The following ZDHHC13 variants were observed in gnomAD, a reference collection of about 807,000 sequenced individuals.
ZDHHC13 encodes palmitoyltransferase ZDHHC13.
Under a neutral mutation model 86.0 loss-of-function variants are expected in ZDHHC13, and 85 were observed. That is an observed-to-expected ratio of 0.99 (90% CI 0.83 to 1.18). The LOEUF is 1.18. ZDHHC13 is among the 50% of genes most tolerant of loss of function. ZDHHC13 has a pLI of 0.00. For synonymous variants in ZDHHC13, 263 were observed against 246.4 expected, an observed-to-expected ratio of 1.07 and a Z score of -0.63; for missense variants, 711 against 730.2, an observed-to-expected ratio of 0.97 and a Z score of 0.30.
At chr11:19,175,113 G>A (rs1284039249) in intron 16 of ZDHHC13, among the ~76,000 whole-genome samples, 1 of 152,072 alleles carries the variant, frequency 6.6e-6, no homozygotes, top group African/African-American at 2.4e-5. Flanking sequence ...GGGAGGCCGG[G>A]TGCGGTGGCT....
chr11:19,136,054 C>A (rs997481946), intron 1 of ZDHHC13, among the ~76,000 whole-genome samples: 1 of 152,198 alleles, frequency 6.6e-6, no homozygotes, highest in Non-Finnish European at 1.5e-5. Flanking sequence ...TCACCAGCAA[C>A]GGAACAAAGC....
intron 14 of ZDHHC13, chr11:19,169,392 A>G: frequency 1.0e-6 from 1 of 985,458 alleles, no homozygotes; most frequent in Non-Finnish European, 1.2e-6. Flanking sequence ...TATTCATGAA[A>G]GATGGTTGGG....
chr11:19,147,339 T>A lies in ZDHHC13; in HGVS notation c.297-257T>A, dbSNP rs953233640. 3.3e-5 allele frequency among the ~76,000 whole-genome samples: 5 copies of A among 152,180 alleles called. No homozygotes were observed. The East Asian group carries it at 9.6e-4, about 29-fold the overall frequency. ...GACTATGCAGAGAGTAGTTATGATG[T>A]ATTTGATATGTAAGTTATAATGGAA... On this transcript the variant is annotated intron_variant, in intron 3 of 16. Transcript: ENST00000446113.
chr11:19,117,267 G>C lies in ZDHHC13; in HGVS notation c.18G>C (p.Leu6=). 6.7e-7 allele frequency: 1 copy of C among 1,493,472 alleles called. No homozygotes were observed. The highest frequency in any genetic ancestry group is 8.9e-7 in the Non-Finnish European group (1 of 1,121,540). 92.5% of individuals were successfully genotyped at this position (1,493,472 alleles called of 1,614,324 possible). MEGPG[L]GSQCRNHSHG... is the part of the protein sequence containing the mutation. ...CTGGGGAGATGGAGGGGCCGGGGCT[G>C]GGCTCGCAGGTGAGTGCGGCCGGGC... is the stretch of plus-strand genomic sequence containing the variant. Residue 6 remains leucine, a synonymous_variant, in exon 1 of 17, where the codon CTG becomes CTC. Transcript: ENST00000446113. The surrounding 1 kb of genome is among the most constrained non-coding windows in gnomAD (Gnocchi z 4.2).
chr11:19,174,065 AG>A (rs1168649830), intron 16 of ZDHHC13, among the ~76,000 whole-genome samples: 1 of 152,208 alleles, frequency 6.6e-6, no homozygotes, highest in African/African-American at 2.4e-5. Context: ...ATATGTTCTA[AG>A]AACCCCAATG....
chr11:19,122,899 C>G (rs1286909962), intron 1 of ZDHHC13, among the ~76,000 whole-genome samples: 9 of 152,120 alleles, frequency 5.9e-5, no homozygotes, highest in Non-Finnish European at 1.3e-4. Context: ...CAAACACAAG[C>G]TTTGAATATA....
At position 19,150,731 on chromosome 11, in the gene ZDHHC13, T is replaced by C. The variant is rs1849584119; in HGVS notation, c.524T>C (p.Val175Ala). 1.2e-6 allele frequency: 2 copies of C among 1,606,568 alleles called. No individual in the cohort carries two copies. Among genetic ancestry groups the C allele is most frequent in the African/African-American group, 1.3e-5 (1 of 74,858 alleles). The change falls in exon 6 of 17, where the codon GTG becomes GCG. Residue 175 changes from valine (V) to alanine (A), a missense_variant. Transcript: ENST00000446113. The part of the protein sequence containing the change: ...IAYLISKGQS[V>A]NMTDVNGQTP... Reference sequence around the variant, plus strand: ...AATTGTCTTCTTTTTGAATAGAGTGTGAATATGACAGATGTAAATGGGCAG... The same window carrying C: ...AATTGTCTTCTTTTTGAATAGAGTGCGAATATGACAGATGTAAATGGGCAG...
At chr11:19,134,924 T>C (rs1330641975) in intron 1 of ZDHHC13, among the ~76,000 whole-genome samples, 3 of 152,086 alleles carry the variant, frequency 2.0e-5, no homozygotes, top group African/African-American at 7.2e-5. Context: ...CTCAGCTACT[T>C]AGGAGGCTGA....
chr11:19,163,777 C>T (rs1849977944), intron 11 of ZDHHC13, among the ~76,000 whole-genome samples: 1 of 152,088 alleles, frequency 6.6e-6, no homozygotes, highest in African/African-American at 2.4e-5. Flanking sequence ...CAGGGAGAGT[C>T]CTTCTGCTTA....
intron 1 of ZDHHC13, 143 bp from the exon 2 acceptor site, chr11:19,142,835 A>G (rs1239728516): frequency 1.0e-5 from 9 of 886,126 alleles, no homozygotes; most frequent in Non-Finnish European, 1.4e-5. Flanking sequence ...CCTGGGTTCA[A>G]GTCATTCTCA....
At chr11:19,163,522 G>A (rs1308356720) in intron 11 of ZDHHC13, 95 bp downstream of exon 11, 2 of 1,280,972 alleles carry the variant, frequency 1.6e-6, no homozygotes, top group African/African-American at 1.5e-5. Context: ...TTTTTGTTAC[G>A]GCTGCATGAC....
chr11:19,131,595 C>T (rs1849001630), intron 1 of ZDHHC13, among the ~76,000 whole-genome samples: 1 of 151,844 alleles, frequency 6.6e-6, no homozygotes, highest in Admixed American at 6.6e-5. Context: ...GTTTAATCTG[C>T]TGTTAATCTA....
At chr11:19,172,842 T>C (rs1850261547) in intron 16 of ZDHHC13, 22 bp downstream of exon 16, 1 of 1,567,802 alleles carries the variant, frequency 6.4e-7, no homozygotes, top group Admixed American at 1.9e-5. Context: ...CTGTTTTGGA[T>C]GCTGAGTCCT....
At chr11:19,119,153 C>T (rs1848707724) in intron 1 of ZDHHC13, among the ~76,000 whole-genome samples, 1 of 152,066 alleles carries the variant, frequency 6.6e-6, no homozygotes, top group African/African-American at 2.4e-5. Flanking sequence ...GCTCTGTTGC[C>T]AGGCTGGAGT....
chr11:19,155,900 A>G lies in ZDHHC13; in HGVS notation c.978A>G (p.Thr326=). 6.2e-7 allele frequency: 1 copy of G among 1,610,014 alleles called. No homozygotes were observed. The highest frequency in any genetic ancestry group is 8.5e-7 in the Non-Finnish European group (1 of 1,179,004). ...SWLLKGCLLV[T]LFFLTSLFPR... ...TTTTAAAAGGATGTCTTCTAGTAAC[A>G]CTGTTTTTTCTGACATCTTTGTTTC... is the stretch of plus-strand genomic sequence containing the variant. Residue 326 remains threonine, a synonymous_variant, in exon 9 of 17, where the codon ACA becomes ACG. Coordinates refer to ENST00000446113, the MANE Select transcript of ZDHHC13 (RefSeq NM_019028.3).
chr11:19,117,129 G>C (rs541305612), upstream of ZDHHC13: 3 of 1,089,878 alleles, frequency 2.8e-6, no homozygotes, highest in African/African-American at 4.7e-5. The surrounding 1 kb of genome is among the most constrained non-coding windows in gnomAD (Gnocchi z 4.2). Flanking sequence ...AGCGGGGACC[G>C]CAGCGGCGGA....
intron 1 of ZDHHC13, among the ~76,000 whole-genome samples, chr11:19,137,769 G>A (rs1182131342): frequency 5.5e-4 from 84 of 152,254 alleles, no homozygotes; most frequent in Middle Eastern, 3.4e-3. Context: ...ACTCAAAACC[G>A]CTCAACTACA....
chr11:19,139,999 G>A lies in ZDHHC13; in HGVS notation c.28-2979G>A, dbSNP rs1241434661. ...CTAGGCATTACCATTCAGGACATAGGCATGGGAAAGGACTTCATGTCTAAA... is the reference window on the plus strand; with the variant it reads ...CTAGGCATTACCATTCAGGACATAGACATGGGAAAGGACTTCATGTCTAAA... On this transcript the variant is annotated intron_variant, in intron 1 of 16. Transcript: ENST00000446113. Among the ~76,000 whole-genome samples the A allele has an allele frequency of 4.4e-3, 654 of 149,906 alleles. 5 individuals carry two copies. Among genetic ancestry groups the A allele is most frequent in the African/African-American group, 0.015 (621 of 40,566 alleles).
At position 19,169,598 on chromosome 11, in the gene ZDHHC13, A is replaced by G. The variant is rs929420471; in HGVS notation, c.1475-813A>G. The stretch of plus-strand genomic sequence containing the variant: ...GTGCAAATCGACAGAATTATCTTTT[A>G]AAAATAATTCACCCTTTATGCATGG... On this transcript the variant is annotated intron_variant, in intron 14 of 16. Transcript: ENST00000446113. 37 of 985,362 alleles carry G rather than the reference A, an allele frequency of 3.8e-5. No homozygotes were observed. The African/African-American group carries it at 5.8e-4, about 15-fold the overall frequency. The allele number at this position is 985,362 out of a possible 1,614,324, so 61.0% of individuals were successfully genotyped here.
Sources: allele counts gnomAD v4.1 joint callset (sites outside exome capture counted in the v4.1 genomes callset), GRCh38; gene constraint gnomAD v4.1.1; non-coding constraint Gnocchi (gnomAD v3.1); transcripts MANE v1.5; gene names NCBI Gene and HGNC (gene_info 2026-07-23, HGNC 2026-07-21).